The following LCORL variants were observed in gnomAD, a reference collection of about 807,000 sequenced individuals.
LCORL encodes ligand-dependent nuclear receptor corepressor-like protein.
Under a neutral mutation model 141.8 loss-of-function variants are expected in LCORL, and 41 were observed. The observed-to-expected ratio is 0.29, with a 90% confidence interval of 0.23 to 0.38. The LOEUF is 0.38. Ranked by LOEUF, LCORL falls within the 10% of genes least tolerant of loss-of-function variation. The probability of loss-of-function intolerance (pLI) is 1.00; values close to 1 mark genes in which losing one functional copy is unlikely to be tolerated. For missense variants in LCORL, 1,759 were observed against 2,035.0 expected (o/e 0.86, Z 2.61); for synonymous variants, 618 against 694.1 (o/e 0.89, Z 1.72).
At chr4:17,946,414 C>T (rs190919698) in intron 4 of LCORL, among the ~76,000 whole-genome samples, 25 of 152,026 alleles carry the variant, frequency 1.6e-4, no homozygotes, top group Admixed American at 1.6e-3. Context: ...TTCATTTTCC[C>T]ACCACTTATA....
At chr4:17,990,439 C>G (rs1278253493) in intron 1 of LCORL, among the ~76,000 whole-genome samples, 1 of 148,948 alleles carries the variant, frequency 6.7e-6, no homozygotes, top group African/African-American at 2.5e-5. Flanking sequence ...AAGTTTAGGT[C>G]AGACCTACTC....
chr4:17,993,709 G>C (rs1417669058), intron 1 of LCORL, among the ~76,000 whole-genome samples: 1 of 152,110 alleles, frequency 6.6e-6, no homozygotes, highest in Admixed American at 6.5e-5. Context: ...CAAGAAACAG[G>C]ATTAGCTTTA....
At chr4:17,993,187 G>T (rs1389898602) in intron 1 of LCORL, among the ~76,000 whole-genome samples, 3 of 152,108 alleles carry the variant, frequency 2.0e-5, no homozygotes, top group Non-Finnish European at 2.9e-5. Context: ...CAGTAGCTGA[G>T]AATATTTTAT....
intron 6 of LCORL, among the ~76,000 whole-genome samples, chr4:17,879,065 C>T (rs1420618730): frequency 6.6e-6 from 1 of 150,924 alleles, no homozygotes; most frequent in East Asian, 1.9e-4. Flanking sequence ...ATGAAAATTG[C>T]CTTTCACTTA....
rs75155480 is a variant in LCORL at position 17,964,497 on chromosome 4, A to G, written c.221-1448T>C. ...ATGTGATTTAATAAGGTCAGTTTGC[A>G]GAAAGATTTTAATTAAATTTTAATT... On this transcript the variant is annotated intron_variant, in intron 2 of 7. Transcript: ENST00000635767. 7.9e-3 allele frequency among the ~76,000 whole-genome samples: 1,207 copies of G among 152,260 alleles called. 48 individuals are homozygous for G. Among genetic ancestry groups the G allele is most frequent in the East Asian group, 0.077 (398 of 5,186 alleles).
At position 17,884,500 on chromosome 4, in the gene LCORL, A is replaced by G; in HGVS notation, c.776+1568T>C. 2 of 1,545,544 alleles carry G rather than the reference A, an allele frequency of 1.3e-6. No individual in the cohort carries two copies. Among genetic ancestry groups the G allele is most frequent in the Non-Finnish European group, 1.7e-6 (2 of 1,145,202 alleles). Reference sequence around the variant, plus strand: ...ACAAGGCTACTTTTTGCAGCACTGCACAAGTTTCTTTACTGTCCTTATATG... The same window carrying G: ...ACAAGGCTACTTTTTGCAGCACTGCGCAAGTTTCTTTACTGTCCTTATATG... On this transcript the variant is annotated intron_variant, in intron 6 of 7. Coordinates refer to ENST00000635767, the Ensembl canonical transcript of LCORL. This position sits in a 1 kb window ranked among gnomAD's most constrained non-coding sequence, Gnocchi z 4.4.
chr4:17,915,606 GCCTTTAAGAAGGCTGCAGAGTAAGAA>G (rs1347675883), intron 4 of LCORL, among the ~76,000 whole-genome samples: 2 of 152,202 alleles, frequency 1.3e-5, no homozygotes, highest in Non-Finnish European at 2.9e-5. Context: ...AATAGCCACA[GCCTTTAAGAAGGCTGCAGAGTAAGAA>G]CCTCTAGAAA....
chr4:18,000,868 G>A (rs1256425736), intron 1 of LCORL, among the ~76,000 whole-genome samples: 2 of 152,140 alleles, frequency 1.3e-5, no homozygotes, highest in African/African-American at 2.4e-5. Context: ...TCACTGAGGT[G>A]TAAGATCATG....
chr4:17,888,753 A>T (rs773085515), intron 5 of LCORL, among the ~76,000 whole-genome samples: 1 of 152,158 alleles, frequency 6.6e-6, no homozygotes, highest in South Asian at 2.1e-4. Context: ...TAAAAGGAGA[A>T]AGAAATGTTT....
chr4:17,845,980 TGTA>T, intron 7 of LCORL, 79 bp from the exon 8 acceptor site: 3 of 1,213,414 alleles, frequency 2.5e-6, no homozygotes, highest in Non-Finnish European at 3.5e-6. Flanking sequence ...AACATTTAGT[TGTA>T]GTAGTGTTTG....
intron 5 of LCORL, chr4:17,893,329 C>G: frequency 3.3e-6 from 3 of 907,858 alleles, no homozygotes; most frequent in Non-Finnish European, 4.0e-6. Flanking sequence ...TTTATATATA[C>G]AAGACACACA....
At chr4:18,014,685 A>G (rs938623595) in intron 1 of LCORL, among the ~76,000 whole-genome samples, 6 of 152,238 alleles carry the variant, frequency 3.9e-5, no homozygotes, top group Admixed American at 1.3e-4. Context: ...ATCAAACACA[A>G]AAATTCTCAA....
chr4:17,940,143 T>TATGTATATATGTATATATATGTATAC (rs1450707691), intron 4 of LCORL, among the ~76,000 whole-genome samples: 3 of 141,428 alleles, frequency 2.1e-5, no homozygotes, highest in Non-Finnish European at 3.1e-5. Flanking sequence ...TGTGTATATA[T>TATGTATATATGTATATATATGTATAC]ATGTATATAT....
At chr4:17,877,490 T>C (rs1182090882) in exon 7 of LCORL, 2 of 1,229,582 alleles carry the variant, frequency 1.6e-6, no homozygotes, top group Non-Finnish European at 2.0e-6. Flanking sequence ...AGTTACTGGA[T>C]TTTTTAGTTT....
intron 5 of LCORL, among the ~76,000 whole-genome samples, chr4:17,906,308 AGCTTTCTATG>A (rs1332728468): frequency 6.6e-6 from 1 of 152,180 alleles, no homozygotes; most frequent in African/African-American, 2.4e-5. Flanking sequence ...TCAGTCTGGT[AGCTTTCTATG>A]ACCCTAAGAA....
chr4:17,936,350 G>A (rs1368530880), intron 4 of LCORL, among the ~76,000 whole-genome samples: 4 of 134,784 alleles, frequency 3.0e-5, no homozygotes, highest in African/African-American at 1.2e-4. Context: ...ATCTAATCCA[G>A]TCTCATAATG....
chr4:17,883,477 C>T, intron 6 of LCORL: 1 of 1,220,096 alleles, frequency 8.2e-7, no homozygotes, highest in Non-Finnish European at 1.0e-6. Context: ...GGATTAAATA[C>T]AAACTATCAG....
intron 4 of LCORL, among the ~76,000 whole-genome samples, chr4:17,915,818 G>C (rs1309369957): frequency 6.6e-6 from 1 of 152,158 alleles, no homozygotes; most frequent in Non-Finnish European, 1.5e-5. Context: ...AGTGCAAAAA[G>C]AAAGAGATAA....
intron 5 of LCORL, among the ~76,000 whole-genome samples, chr4:17,897,979 T>C (rs1403447261): frequency 6.6e-6 from 1 of 152,214 alleles, no homozygotes; most frequent in East Asian, 1.9e-4. Context: ...ATGTGTATTT[T>C]TGAAAATAAT....
Sources: gnomAD v4.1 joint callset for allele counts (sites outside exome capture counted in the v4.1 genomes callset) on GRCh38, gnomAD v4.1.1 for gene constraint, Gnocchi (gnomAD v3.1) non-coding constraint, MANE v1.5 for transcripts, NCBI Gene and HGNC (gene_info 2026-07-23, HGNC 2026-07-21) for gene names.